SMIM41: variants seen among roughly 807,000 people sequenced by gnomAD.
SMIM41 encodes small integral membrane protein 41.
intron 2 of SMIM41, chr12:52,093,743 T>G (rs1940042141): frequency 6.6e-6 from 1 of 152,258 alleles, no homozygotes; most frequent in Admixed American, 6.5e-5. Context: ...GGCTGAAGAC[T>G]GTCAGGTCGG....
intron 2 of SMIM41, among the ~76,000 whole-genome samples, chr12:52,089,566 C>T (rs1007124519): frequency 2.6e-5 from 4 of 152,022 alleles, no homozygotes; most frequent in Admixed American, 6.6e-5. Context: ...GCACTCCAAC[C>T]CGGGCAACAG....
At chr12:52,090,716 C>G (rs1939985318) in intron 2 of SMIM41, among the ~76,000 whole-genome samples, 1 of 152,232 alleles carries the variant, frequency 6.6e-6, no homozygotes. Context: ...ATGGAGGCCT[C>G]TTCATGCTCT....
At chr12:52,098,062 G>A (rs1025932327) in intron 2 of SMIM41, among the ~76,000 whole-genome samples, 2 of 151,332 alleles carry the variant, frequency 1.3e-5, no homozygotes, top group Non-Finnish European at 2.9e-5. Context: ...ATATCACAGT[G>A]TGCGTGTACG....
intron 2 of SMIM41, chr12:52,094,561 G>A (rs1158920591): frequency 6.6e-6 from 1 of 152,246 alleles, no homozygotes; most frequent in Non-Finnish European, 1.5e-5. Flanking sequence ...ACTCTTCCAT[G>A]CACATCCAGG....
At position 52,083,909 on chromosome 12, in the gene SMIM41, AAGAGG is replaced by A. The variant is rs1198387099; in HGVS notation, c.*146_*150del. 1 of 152,148 alleles carries A rather than the reference AAGAGG, an allele frequency of 6.6e-6. No individual in the cohort carries two copies. Among genetic ancestry groups the A allele is most frequent in the Non-Finnish European group, 1.5e-5 (1 of 68,046 alleles). 9.4% of individuals were successfully genotyped at this position (152,148 alleles called of 1,614,324 possible). On this transcript the variant is annotated 3_prime_UTR_variant, in exon 2 of 3. Coordinates refer to ENST00000546390, the MANE Select transcript of SMIM41 (RefSeq NM_001369216.1). ...CCATTCCTAGAGAGGAGAAGAAGAG[AAGAGG>A]AGAGGAGAGAAGAGAAGAAGAGAGG...
chr12:52,100,622 A>ATTTTTTT (rs1173057236), intron 2 of SMIM41, among the ~76,000 whole-genome samples: 62 of 111,134 alleles, frequency 5.6e-4, no homozygotes, highest in Non-Finnish European at 7.4e-4. Context: ...GCGCCCAGCT[A>ATTTTTTT]TTTTTTTTTT....
At position 52,081,220 on chromosome 12, in the gene SMIM41, G is replaced by A. The variant is rs962279039; in HGVS notation, c.*120+1039G>A. 6.6e-6 allele frequency among the ~76,000 whole-genome samples: 1 copy of A among 152,118 alleles called. No individual in the cohort carries two copies. The highest frequency in any genetic ancestry group is 2.4e-5 in the African/African-American group (1 of 41,412). On this transcript the variant is annotated intron_variant, in intron 1 of 2. Coordinates refer to ENST00000546390, the MANE Select transcript of SMIM41 (RefSeq NM_001369216.1). The surrounding 1 kb of genome is among the most constrained non-coding windows in gnomAD (Gnocchi z 4.1). ...CTAGGAGCCCTGGGGGTTTCTGTGG[G>A]TGGGAGTGTTTGTCAGGGGTGACTT...
At position 52,081,033 on chromosome 12, in the gene SMIM41, C is replaced by A. The variant is rs1160278159; in HGVS notation, c.*120+852C>A. Reference sequence around the variant, plus strand: ...CTGAGGATTTCCAGCTGTGGGGGCTCTGTCTGGGTGTCTCCCTCTGTCTCT... The same window carrying A: ...CTGAGGATTTCCAGCTGTGGGGGCTATGTCTGGGTGTCTCCCTCTGTCTCT... On this transcript the variant is annotated intron_variant, in intron 1 of 2. Transcript: ENST00000546390. This position sits in a 1 kb window ranked among gnomAD's most constrained non-coding sequence, Gnocchi z 4.1. Among the ~76,000 whole-genome samples, 1 of 152,132 alleles carries A rather than the reference C, an allele frequency of 6.6e-6. No individual in the cohort carries two copies. The highest frequency in any genetic ancestry group is 1.5e-5 in the Non-Finnish European group (1 of 68,002).
intron 2 of SMIM41, among the ~76,000 whole-genome samples, chr12:52,086,927 C>T (rs1380356914): frequency 6.6e-6 from 1 of 152,224 alleles, no homozygotes; most frequent in Non-Finnish European, 1.5e-5. Flanking sequence ...GACTTCAACT[C>T]TCTGTCCTTT....
At chr12:52,089,516 C>G (rs1402285689) in intron 2 of SMIM41, among the ~76,000 whole-genome samples, 2 of 152,116 alleles carry the variant, frequency 1.3e-5, no homozygotes, top group African/African-American at 4.8e-5. Context: ...CTTACTTGAG[C>G]CTGGAAGGTT....
At chr12:52,084,373 CAA>C (rs1221772416) in intron 2 of SMIM41, among the ~76,000 whole-genome samples, 1 of 77,962 alleles carries the variant, frequency 1.3e-5, no homozygotes. Context: ...ACATCAACCA[CAA>C]AAAAAAAAAC....
At chr12:52,082,456 G>A (rs908917751) in intron 1 of SMIM41, among the ~76,000 whole-genome samples, 1 of 152,162 alleles carries the variant, frequency 6.6e-6, no homozygotes, top group Non-Finnish European at 1.5e-5. Context: ...AGGGACCTCA[G>A]TGTTCCTGTG....
rs576527556 is a variant in SMIM41 at position 52,080,129 on chromosome 12, C to A, written c.*68C>A. 4 of 346,246 alleles carry A rather than the reference C, an allele frequency of 1.2e-5. No individual in the cohort carries two copies. Among genetic ancestry groups the A allele is most frequent in the African/African-American group, 8.6e-5 (4 of 46,322 alleles). The allele number at this position is 346,246 out of a possible 1,614,324, so 21.4% of individuals were successfully genotyped here. A position where few individuals can be genotyped will look rare whatever the true frequency, so the allele number is the denominator to read the frequency against. Reference sequence around the variant, plus strand: ...TGACTCCGAGCGGTCCGGAGCATGCCCGACGGCTGCTGCGGTCCCGACCCC... The same window carrying A: ...TGACTCCGAGCGGTCCGGAGCATGCACGACGGCTGCTGCGGTCCCGACCCC... On this transcript the variant is annotated 3_prime_UTR_variant, in exon 1 of 3. Transcript: ENST00000546390.
chr12:52,079,873 CCG>C lies in SMIM41; in HGVS notation c.101_102del (p.Ala34GlyfsTer161), dbSNP rs1939791841. On this transcript the variant is annotated frameshift_variant, in exon 1 of 3. Transcript: ENST00000546390. LOFTEE classifies it high-confidence loss of function. ...GTCGCCGCCGGAGCCCCCCGAGGGGCCGCGCGCGGTGCAGGCGGTGGTGCTCG... is the reference window on the plus strand; with the variant it reads ...GTCGCCGCCGGAGCCCCCCGAGGGGCCGCGCGGTGCAGGCGGTGGTGCTCG... ...SASPPEPPEG[P>X]RAVQAVVLGV... 1 of 391,056 alleles carries C rather than the reference CCG, an allele frequency of 2.6e-6. No individual in the cohort carries two copies. Among genetic ancestry groups the C allele is most frequent in the Non-Finnish European group, 4.5e-6 (1 of 221,104 alleles). 24.2% of individuals were successfully genotyped at this position (391,056 alleles called of 1,614,324 possible).
chr12:52,085,285 G>A (rs1174028645), intron 2 of SMIM41, among the ~76,000 whole-genome samples: 1 of 152,100 alleles, frequency 6.6e-6, no homozygotes, highest in Non-Finnish European at 1.5e-5. Context: ...AGTAGAGCCT[G>A]GTGGTTGAGA....
At chr12:52,099,088 C>T (rs1344893427) in intron 2 of SMIM41, among the ~76,000 whole-genome samples, 3 of 151,652 alleles carry the variant, frequency 2.0e-5, no homozygotes, top group East Asian at 3.9e-4. Flanking sequence ...ATCCTCTCTC[C>T]CTCTGGATAT....
rs142797650 is a variant in SMIM41 at position 52,083,138 on chromosome 12, A to G, written c.*121-756A>G. ...GTCCTGGGCACTGAAGTGGCCACACATCCTGGATGCCTGGTGCAGCAGGTG... is the reference window on the plus strand; with the variant it reads ...GTCCTGGGCACTGAAGTGGCCACACGTCCTGGATGCCTGGTGCAGCAGGTG... On this transcript the variant is annotated intron_variant, in intron 1 of 2. Transcript: ENST00000546390. Among the ~76,000 whole-genome samples the G allele has an allele frequency of 1.7e-3, 262 of 152,154 alleles. 8 individuals carry two copies. In the East Asian group the frequency reaches 0.031, roughly 18 times the overall value.
intron 2 of SMIM41, chr12:52,087,665 C>G (rs935296179): frequency 6.6e-6 from 1 of 152,312 alleles, no homozygotes; most frequent in African/African-American, 2.4e-5. Context: ...GGGCTTCCCC[C>G]CGAGTCTGCC....
At chr12:52,080,740 T>C (rs946291001) in intron 1 of SMIM41, among the ~76,000 whole-genome samples, 1 of 152,124 alleles carries the variant, frequency 6.6e-6, no homozygotes, top group Non-Finnish European at 1.5e-5. Flanking sequence ...TGAGGGAGAT[T>C]CCTTGCCTGG....
Sources: allele counts gnomAD v4.1 joint callset (sites outside exome capture counted in the v4.1 genomes callset), GRCh38; gene constraint gnomAD v4.1.1; non-coding constraint Gnocchi (gnomAD v3.1); transcripts MANE v1.5; gene names NCBI Gene and HGNC (gene_info 2026-07-23, HGNC 2026-07-21).